Variants in SCAMP5 observed in about 807,000 individuals in gnomAD.
SCAMP5 encodes secretory carrier-associated membrane protein 5.
A neutral mutation model predicts 28.3 loss-of-function variants in SCAMP5; 7 were observed. That is an observed-to-expected ratio of 0.25 (90% CI 0.14 to 0.46). SCAMP5 has a LOEUF of 0.46. Among genes scored for constraint, SCAMP5 ranks in the 20% least tolerant of loss-of-function variants. SCAMP5 has a pLI of 0.99. For synonymous variants in SCAMP5, 117 were observed against 116.4 expected (o/e 1.00, Z -0.03); for missense variants, 192 against 312.5 (o/e 0.61, Z 2.91).
At chr15:75,015,545 C>G (rs1337498851) in intron 3 of SCAMP5, among the ~76,000 whole-genome samples, 1 of 151,906 alleles carries the variant, frequency 6.6e-6, no homozygotes, top group Non-Finnish European at 1.5e-5. Flanking sequence ...CAGCCCAGGT[C>G]TGTAGAAGGT....
intron 1 of SCAMP5, among the ~76,000 whole-genome samples, chr15:75,000,619 C>T (rs891858917): frequency 2.0e-5 from 3 of 150,984 alleles, no homozygotes; most frequent in African/African-American, 4.9e-5. Flanking sequence ...TTCCTGACCT[C>T]GTGATCCGCC....
intron 1 of SCAMP5, among the ~76,000 whole-genome samples, chr15:75,001,323 T>A (rs1022439214): frequency 6.6e-6 from 1 of 151,142 alleles, no homozygotes; most frequent in African/African-American, 2.4e-5. Flanking sequence ...AAGCCATCCT[T>A]GACTCCTGTA....
chr15:75,003,907 A>G (rs1275676110), intron 1 of SCAMP5, among the ~76,000 whole-genome samples: 1 of 151,284 alleles, frequency 6.6e-6, no homozygotes, highest in Non-Finnish European at 1.5e-5. Flanking sequence ...TTTTATTTTT[A>G]CTTTTTTTTT....
chr15:75,000,682 C>CAT (rs1567017077), intron 1 of SCAMP5, among the ~76,000 whole-genome samples: 1 of 88,354 alleles, frequency 1.1e-5, no homozygotes, highest in Admixed American at 1.4e-4. Flanking sequence ...TCGCACCCAG[C>CAT]CTTTTTTTTT....
chr15:75,017,141 A>G (rs968450199), intron 4 of SCAMP5, among the ~76,000 whole-genome samples: 7 of 151,844 alleles, frequency 4.6e-5, no homozygotes, highest in Admixed American at 6.6e-5. Context: ...CCATCTATCC[A>G]TGTGCCAATG....
In SCAMP5 at chr15:75,016,636, G is replaced by C. The variant is rs182851388; in HGVS notation, c.180G>C (p.Ala60=). 6.2e-7 allele frequency: 1 copy of C among 1,613,812 alleles called. No homozygotes were observed. Among genetic ancestry groups the C allele is most frequent in the Non-Finnish European group, 8.5e-7 (1 of 1,179,854 alleles). Reference sequence around the variant, plus strand: ...CCGTGAACCTGGTGGGCTGTCTCGCGTGGCTGATCGGAGGCGGGGGAGCCA... The same window carrying C: ...CCGTGAACCTGGTGGGCTGTCTCGCCTGGCTGATCGGAGGCGGGGGAGCCA... The part of the protein sequence containing the change: ...TLAVNLVGCL[A]WLIGGGGATN... The change falls in exon 4 of 7, where the codon GCG becomes GCC. Residue 60 remains alanine (A), a synonymous_variant. Transcript: ENST00000425597.
At chr15:74,998,962 C>T (rs1327865921) in intron 1 of SCAMP5, among the ~76,000 whole-genome samples, 1 of 152,134 alleles carries the variant, frequency 6.6e-6, no homozygotes, top group Non-Finnish European at 1.5e-5. Flanking sequence ...CCTTTGAGGC[C>T]CCTATGTTCT....
At chr15:74,997,119 A>G (rs1034557247) in intron 1 of SCAMP5, 1 of 152,200 alleles carries the variant, frequency 6.6e-6, no homozygotes, top group African/African-American at 2.4e-5. Context: ...ACCTCCCTTG[A>G]GGATGCTCCT....
Position 74,996,697 on chromosome 15 carries a change from A to G in SCAMP5, c.-49+1024A>G, listed in dbSNP as rs1375937448. 6.6e-6 allele frequency among the ~76,000 whole-genome samples: 1 copy of G among 152,120 alleles called. No individual in the cohort carries two copies. Among genetic ancestry groups the G allele is most frequent in the Non-Finnish European group, 1.5e-5 (1 of 68,016 alleles). On this transcript the variant is annotated intron_variant, in intron 1 of 6. Transcript: ENST00000425597. The surrounding 1 kb of genome is among the most constrained non-coding windows in gnomAD (Gnocchi z 4.1). ...CCATGGGGTGGTGGAGTCTGGAGAA[A>G]TTTGCAACCTGTCCCCTACATGTTC...
intron 1 of SCAMP5, among the ~76,000 whole-genome samples, chr15:75,005,685 T>G (rs184569670): frequency 6.6e-6 from 1 of 152,294 alleles, no homozygotes. Flanking sequence ...TGACCTTGAG[T>G]CCTTCTGTGC....
chr15:75,011,598 G>A (rs2065812318), intron 1 of SCAMP5, 194 bp from the exon 2 acceptor site: 1 of 390,800 alleles, frequency 2.6e-6, no homozygotes, highest in African/African-American at 2.0e-5. Context: ...CAGAGGGCGG[G>A]AGCAGCTGGT....
chr15:75,016,210 C>A (rs2065857977), intron 3 of SCAMP5, among the ~76,000 whole-genome samples: 1 of 152,082 alleles, frequency 6.6e-6, no homozygotes, highest in Non-Finnish European at 1.5e-5. Flanking sequence ...CTTTGGGGCC[C>A]TTCAAAGGGG....
Position 75,016,763 on chromosome 15 carries a change from G to T in SCAMP5, c.293+14G>T, listed in dbSNP as rs771111706. On this transcript the variant is annotated intron_variant, in intron 4 of 6. Transcript: ENST00000425597. Reference sequence around the variant, plus strand: ...CAAGGCCTTCAAGTAAGTGGTTGGTGCTATCCGCAGTGCCTAGCCGTCTCT... The same window carrying T: ...CAAGGCCTTCAAGTAAGTGGTTGGTTCTATCCGCAGTGCCTAGCCGTCTCT... 2.5e-6 allele frequency: 4 copies of T among 1,608,906 alleles called. No homozygotes were observed. The highest frequency in any genetic ancestry group is 3.4e-6 in the Non-Finnish European group (4 of 1,176,706).
In SCAMP5 at chr15:74,996,622, A is replaced by G. The variant is rs2065656591; in HGVS notation, c.-49+949A>G. Reference sequence around the variant, plus strand: ...TATGGGCAAAGGCACAGGGATGAAAACGAGCACAGCTGTTGGGGGCTGAGC... The same window carrying G: ...TATGGGCAAAGGCACAGGGATGAAAGCGAGCACAGCTGTTGGGGGCTGAGC... On this transcript the variant is annotated intron_variant, in intron 1 of 6. Coordinates refer to ENST00000425597, the MANE Select transcript of SCAMP5 (RefSeq NM_138967.4). The surrounding 1 kb of genome is among the most constrained non-coding windows in gnomAD (Gnocchi z 4.1). 6.6e-6 allele frequency among the ~76,000 whole-genome samples: 1 copy of G among 152,074 alleles called. No individual in the cohort carries two copies. The highest frequency in any genetic ancestry group is 2.4e-5 in the African/African-American group (1 of 41,396).
chr15:75,006,553 C>T (rs2065761504), intron 1 of SCAMP5, among the ~76,000 whole-genome samples: 3 of 151,568 alleles, frequency 2.0e-5, no homozygotes, highest in African/African-American at 7.3e-5. Context: ...TTTGGGAGGC[C>T]AAGGCAGGTG....
At chr15:75,004,971 T>C (rs1483827011) in intron 1 of SCAMP5, among the ~76,000 whole-genome samples, 1 of 152,128 alleles carries the variant, frequency 6.6e-6, no homozygotes, top group Non-Finnish European at 1.5e-5. Context: ...AGTCAAGAGA[T>C]GGAGACCATC....
Position 75,021,355 on chromosome 15 carries a change from C to A in SCAMP5, c.*2372C>A, listed in dbSNP as rs2065902478. ...TCAGTTCTGGGGTCCCAGTGACCTG[C>A]TTTGCCATTCTCCTGGTGCCGCTGC... On this transcript the variant is annotated 3_prime_UTR_variant, in exon 7 of 7. Coordinates refer to ENST00000425597, the MANE Select transcript of SCAMP5 (RefSeq NM_138967.4). 2 of 152,282 alleles carry A rather than the reference C, an allele frequency of 1.3e-5. No homozygotes were observed. Among genetic ancestry groups the A allele is most frequent in the African/African-American group, 2.4e-5 (1 of 41,424 alleles). 9.4% of individuals were successfully genotyped at this position (152,282 alleles called of 1,614,324 possible). A position where few individuals can be genotyped will look rare whatever the true frequency, so the allele number is the denominator to read the frequency against.
intron 3 of SCAMP5, among the ~76,000 whole-genome samples, chr15:75,014,708 C>T (rs2065844000): frequency 6.6e-6 from 1 of 151,974 alleles, no homozygotes; most frequent in Non-Finnish European, 1.5e-5. Flanking sequence ...AGAGTGAAGA[C>T]AGAAAGAAGC....
intron 1 of SCAMP5, among the ~76,000 whole-genome samples, chr15:75,006,354 T>TA (rs933187373): frequency 1.1e-4 from 16 of 151,804 alleles, no homozygotes; most frequent in South Asian, 4.2e-4. Flanking sequence ...GGATTAATAA[T>TA]AAAAAAAATC....
Sources: gnomAD v4.1 joint callset for allele counts (sites outside exome capture counted in the v4.1 genomes callset) on GRCh38, gnomAD v4.1.1 for gene constraint, Gnocchi (gnomAD v3.1) non-coding constraint, MANE v1.5 for transcripts, NCBI Gene and HGNC (gene_info 2026-07-23, HGNC 2026-07-21) for gene names.